CBLB: variants seen among roughly 807,000 people sequenced by gnomAD.
The protein encoded by CBLB is E3 ubiquitin-protein ligase CBL-B.
CBLB carries 31 observed loss-of-function variants against 104.9 expected under a neutral mutation model. The ratio of observed to expected loss-of-function variants is 0.30; its 90% CI spans 0.22 to 0.40. The LOEUF (loss-of-function observed/expected upper bound fraction) is 0.40. CBLB is among the 10% of genes least tolerant of loss of function. The pLI is 1.00. For missense variants in CBLB, 1,062 were observed against 1,214.6 expected, an observed-to-expected ratio of 0.87 and a Z score of 1.87; for synonymous variants, 440 against 422.6, an observed-to-expected ratio of 1.04 and a Z score of -0.51.
Position 105,658,722 on chromosome 3 carries a change from G to A in CBLB, c.*248C>T, listed in dbSNP as rs2063505423. Reference sequence around the variant, plus strand: ...GGTTCAAAGTTCAAGGGAAGTAAACGTCTTTAAATTATTTTTGTCAGTTCA... The same window carrying A: ...GGTTCAAAGTTCAAGGGAAGTAAACATCTTTAAATTATTTTTGTCAGTTCA... On this transcript the variant is annotated 3_prime_UTR_variant, in exon 19 of 19. Coordinates refer to ENST00000394030, the MANE Select transcript of CBLB (RefSeq NM_170662.5). 6 of 539,712 alleles carry A rather than the reference G, an allele frequency of 1.1e-5. No homozygotes were observed. The highest frequency in any genetic ancestry group is 3.2e-5 in the Admixed American group (1 of 31,400). The allele number at this position is 539,712 out of a possible 1,614,324, so 33.4% of individuals were successfully genotyped here. A position where few individuals can be genotyped will look rare whatever the true frequency, so the allele number is the denominator to read the frequency against.
In CBLB at chr3:105,720,141, A is replaced by C. The variant is rs775397048; in HGVS notation, c.1313T>G (p.Ile438Ser). 6.2e-7 allele frequency: 1 copy of C among 1,613,938 alleles called. No homozygotes were observed. Among genetic ancestry groups the C allele is most frequent in the Non-Finnish European group, 8.5e-7 (1 of 1,179,868 alleles). Residue 438 changes from isoleucine (I) to serine (S), a missense_variant, in exon 10 of 19, where the codon ATC (isoleucine) becomes AGC (serine). This residue lies in a region of CBLB where 457 missense variants were observed against 632.0 expected (regional missense o/e 0.72). Transcript: ENST00000394030. ...CATCGGCATGCCAAAGGGGTCAATG[A>C]TGCTGCAACACCTGGAGCCTTCATC... Reference protein sequence around the residue: ...PRDEGSRCCSIIDPFGMPMLD... With the variant: ...PRDEGSRCCSSIDPFGMPMLD...
intron 4 of CBLB, among the ~76,000 whole-genome samples, chr3:105,755,903 A>C (rs2077040832): frequency 6.6e-6 from 1 of 152,228 alleles, no homozygotes; most frequent in Admixed American, 6.5e-5. Context: ...GTGCAGAAAA[A>C]TATTTATTGT....
In CBLB at chr3:105,706,011, T is replaced by C. The variant is rs77916737; in HGVS notation, c.1408-1838A>G. The stretch of plus-strand genomic sequence containing the variant: ...TTTTTAAATTAGAATGGTGTGGTGA[T>C]ACACGCCTCCAGTCCCACGACTCAA... On this transcript the variant is annotated intron_variant, in intron 10 of 18. Coordinates refer to ENST00000394030, the MANE Select transcript of CBLB (RefSeq NM_170662.5). 9.6e-4 allele frequency among the ~76,000 whole-genome samples: 146 copies of C among 152,076 alleles called. 3 individuals carry two copies. The East Asian group carries it at 0.028, about 29-fold the overall frequency.
Position 105,810,012 on chromosome 3 carries a change from G to A in CBLB, c.420-33470C>T, listed in dbSNP as rs555431952. Among the ~76,000 whole-genome samples the A allele has an allele frequency of 9.9e-5, 15 of 152,090 alleles. No homozygotes were observed. In the South Asian group the frequency reaches 2.9e-3, roughly 29 times the overall value. ...TAAAGAAACATATTTGTAAACATCA[G>A]AAGAAAAAAAGAAACTTTAAAATGT... On this transcript the variant is annotated intron_variant, in intron 3 of 18. Transcript: ENST00000394030.
chr3:105,690,749 GA>G (rs2067581572), intron 13 of CBLB, among the ~76,000 whole-genome samples: 1 of 151,424 alleles, frequency 6.6e-6, no homozygotes, highest in Non-Finnish European at 1.5e-5. Context: ...TTGAACCCAG[GA>G]GGCAGAGGTT....
Position 105,840,655 on chromosome 3 carries a change from T to A in CBLB, c.419+12759A>T, listed in dbSNP as rs144575081. Among the ~76,000 whole-genome samples, 950 of 152,282 alleles carry A rather than the reference T, an allele frequency of 6.2e-3. 1 individual carries two copies. Among genetic ancestry groups the A allele is most frequent in the Middle Eastern group, 0.031 (9 of 294 alleles). ...TACATGCACACCCCAGTGTGTCAAG[T>A]CATGTAACCTCCAATCTATTTAGCT... On this transcript the variant is annotated intron_variant, in intron 3 of 18. Coordinates refer to ENST00000394030, the MANE Select transcript of CBLB (RefSeq NM_170662.5).
intron 7 of CBLB, 67 bp downstream of exon 7, chr3:105,740,427 A>G (rs2075408083): frequency 1.3e-6 from 2 of 1,563,292 alleles, no homozygotes; most frequent in Admixed American, 3.3e-5. Flanking sequence ...TTTCGCCATC[A>G]CAAAGCAATC....
At chr3:105,795,177 G>C (rs902786730) in intron 3 of CBLB, among the ~76,000 whole-genome samples, 1 of 152,160 alleles carries the variant, frequency 6.6e-6, no homozygotes, top group African/African-American at 2.4e-5. Flanking sequence ...CTCCGAAAGT[G>C]CTGGGATTAC....
In CBLB at chr3:105,707,860, T is replaced by TA. The variant is rs11381649; in HGVS notation, c.1408-3688dup. Among the ~76,000 whole-genome samples, 1,194 of 149,502 alleles carry TA rather than the reference T, an allele frequency of 8.0e-3. 11 individuals carry two copies. The highest frequency in any genetic ancestry group is 0.028 in the African/African-American group (1,150 of 40,672). On this transcript the variant is annotated intron_variant, in intron 10 of 18. Transcript: ENST00000394030. ...CTGCTCTTTTTTATCCTTCTGAAAA[T>TA]AAAAAAAAACAAAGTACATCAATTC...
intron 1 of CBLB, chr3:105,868,236 C>T (rs1030539989): frequency 8.1e-7 from 1 of 1,231,754 alleles, no homozygotes; most frequent in Non-Finnish European, 1.0e-6. Flanking sequence ...ACAAATAGCC[C>T]ATTTGAAAAG....
At chr3:105,704,455 T>C (rs961436681) in intron 10 of CBLB, among the ~76,000 whole-genome samples, 4 of 152,198 alleles carry the variant, frequency 2.6e-5, no homozygotes, top group Admixed American at 1.3e-4. Context: ...AATGCAGATA[T>C]TCTTCAAGAA....
In CBLB at chr3:105,708,275, A is replaced by G. The variant is rs896560974; in HGVS notation, c.1408-4102T>C. On this transcript the variant is annotated intron_variant, in intron 10 of 18. Coordinates refer to ENST00000394030, the MANE Select transcript of CBLB (RefSeq NM_170662.5). ...AAACATAGAGCCAATCCCCTGGCTC[A>G]GGTTTAAATTCTAAGACTGTGAACT... 2.6e-5 allele frequency among the ~76,000 whole-genome samples: 4 copies of G among 152,146 alleles called. No homozygotes were observed. In the East Asian group the frequency reaches 5.8e-4, roughly 22 times the overall value.
chr3:105,728,939 A>T (rs2073999926), intron 9 of CBLB, among the ~76,000 whole-genome samples: 2 of 152,186 alleles, frequency 1.3e-5, no homozygotes, highest in South Asian at 2.1e-4. Flanking sequence ...ATAAAATTTA[A>T]GTCTCTAATG....
At chr3:105,707,981 A>C (rs780545773) in intron 10 of CBLB, among the ~76,000 whole-genome samples, 9 of 151,824 alleles carry the variant, frequency 5.9e-5, no homozygotes, top group African/African-American at 1.2e-4. Flanking sequence ...AAAAGACTAA[A>C]TTCTAGAGTA....
chr3:105,697,765 C>T (rs1443104), intron 12 of CBLB, among the ~76,000 whole-genome samples: 151,654 of 152,188 alleles, frequency 1, 75,564 homozygotes, highest in East Asian at 1. Flanking sequence ...ACAATGTCAC[C>T]GTAAGTTACA....
At chr3:105,662,774 G>C (rs2063913348) in intron 18 of CBLB, among the ~76,000 whole-genome samples, 1 of 152,134 alleles carries the variant, frequency 6.6e-6, no homozygotes, top group South Asian at 2.1e-4. Context: ...ACTCTTCTTT[G>C]AGAAAGAAAG....
intron 3 of CBLB, among the ~76,000 whole-genome samples, chr3:105,790,693 AAG>A (rs1053216683): frequency 2.0e-5 from 3 of 152,240 alleles, no homozygotes; most frequent in Non-Finnish European, 4.4e-5. Flanking sequence ...ACAGGAACTA[AAG>A]AGAGGTGTTC....
intron 2 of CBLB, among the ~76,000 whole-genome samples, chr3:105,862,343 T>A (rs1226750514): frequency 6.6e-6 from 1 of 152,204 alleles, no homozygotes; most frequent in African/African-American, 2.4e-5. Context: ...TTTTCCTTCT[T>A]ACGTTCCTTA....
At chr3:105,808,495 T>G (rs1281419257) in intron 3 of CBLB, among the ~76,000 whole-genome samples, 1 of 152,218 alleles carries the variant, frequency 6.6e-6, no homozygotes, top group Non-Finnish European at 1.5e-5. Flanking sequence ...TCATGCTGTA[T>G]ACTAAGCTGT....
Sources: gnomAD v4.1 joint callset for allele counts (sites outside exome capture counted in the v4.1 genomes callset) on GRCh38, gnomAD v4.1.1 for gene constraint, gnomAD v4.1.1 regional missense constraint, MANE v1.5 for transcripts, NCBI Gene and HGNC (gene_info 2026-07-23, HGNC 2026-07-21) for gene names.